Variants in MAP7 observed in about 807,000 individuals in gnomAD.
MAP7 encodes microtubule associated protein 7.
Under a neutral mutation model 94.8 loss-of-function variants are expected in MAP7, and 52 were observed. The ratio of observed to expected loss-of-function variants is 0.55; its 90% CI spans 0.44 to 0.69. The LOEUF (loss-of-function observed/expected upper bound fraction) is 0.69. Ranked by LOEUF, MAP7 falls within the 30% of genes least tolerant of loss-of-function variation. MAP7 has a pLI of 0.00. For missense variants in MAP7, 940 were observed against 964.6 expected (o/e 0.97, Z 0.34); for synonymous variants, 350 against 357.0 (o/e 0.98, Z 0.22).
chr6:136,486,787 T>C (rs1038813892), intron 1 of MAP7, among the ~76,000 whole-genome samples: 1 of 152,118 alleles, frequency 6.6e-6, no homozygotes, highest in Non-Finnish European at 1.5e-5. Context: ...TATCCCAAAA[T>C]CAACTCTCTG....
At chr6:136,395,638 A>G (rs1056443915) in intron 3 of MAP7, among the ~76,000 whole-genome samples, 2 of 152,094 alleles carry the variant, frequency 1.3e-5, no homozygotes, top group East Asian at 3.9e-4. Context: ...GTTCAGACCA[A>G]TGTCCTGAAG....
intron 7 of MAP7, among the ~76,000 whole-genome samples, chr6:136,376,464 A>T (rs1158310038): frequency 7.2e-5 from 11 of 152,248 alleles, no homozygotes; most frequent in Admixed American, 7.2e-4. Context: ...AAAAGTGTGA[A>T]ATTCATAGGC....
chr6:136,541,134 G>A (rs987473541), intron 1 of MAP7, among the ~76,000 whole-genome samples: 1 of 152,184 alleles, frequency 6.6e-6, no homozygotes, highest in African/African-American at 2.4e-5. Flanking sequence ...CCAAAGGCTT[G>A]GGTCAGGAGC....
At chr6:136,465,064 T>C (rs1367815228) in intron 1 of MAP7, among the ~76,000 whole-genome samples, 1 of 152,200 alleles carries the variant, frequency 6.6e-6, no homozygotes, top group Non-Finnish European at 1.5e-5. Context: ...CTTTCATGAA[T>C]GAGCAGCAGG....
At chr6:136,345,127 C>T (rs1443043915) in intron 17 of MAP7, among the ~76,000 whole-genome samples, 1 of 152,194 alleles carries the variant, frequency 6.6e-6, no homozygotes, top group Non-Finnish European at 1.5e-5. Context: ...CGTTGCTGAG[C>T]TGCTATGACC....
chr6:136,402,441 G>C (rs1247936637), intron 3 of MAP7, among the ~76,000 whole-genome samples: 1 of 152,204 alleles, frequency 6.6e-6, no homozygotes, highest in Admixed American at 6.5e-5. Context: ...GATAAGAAGT[G>C]TGACCTTGGA....
intron 6 of MAP7, among the ~76,000 whole-genome samples, chr6:136,378,622 TG>T (rs1776905663): frequency 6.6e-6 from 1 of 152,188 alleles, no homozygotes. Context: ...AGATTGCTAG[TG>T]GATGCCTAAG....
chr6:136,472,453 CA>C (rs1809349422), intron 1 of MAP7, among the ~76,000 whole-genome samples: 1 of 152,160 alleles, frequency 6.6e-6, no homozygotes, highest in Non-Finnish European at 1.5e-5. Context: ...TCATAGGGAA[CA>C]AAAACACATT....
intron 8 of MAP7, among the ~76,000 whole-genome samples, chr6:136,368,339 C>A (rs550559640): frequency 6.6e-6 from 1 of 152,290 alleles, no homozygotes; most frequent in East Asian, 1.9e-4. Context: ...ATACAATCAT[C>A]TTTCCTATTA....
intron 1 of MAP7, among the ~76,000 whole-genome samples, chr6:136,471,227 T>C (rs17065506): frequency 0.015 from 2,310 of 152,324 alleles, 62 homozygotes; most frequent in African/African-American, 0.053. Context: ...AGTCTATTAT[T>C]TGATGCAAGC....
At chr6:136,455,932 A>G (rs77938658) in intron 1 of MAP7, among the ~76,000 whole-genome samples, 2,414 of 152,322 alleles carry the variant, frequency 0.016, 83 homozygotes, top group East Asian at 0.14. Context: ...TAACATATCA[A>G]TGGAGAAGAC....
At chr6:136,460,741 C>T (rs1031581316) in intron 1 of MAP7, among the ~76,000 whole-genome samples, 22 of 152,038 alleles carry the variant, frequency 1.4e-4, no homozygotes, top group African/African-American at 5.1e-4. Flanking sequence ...GTTGAGGTAG[C>T]TGTAGAGTTG....
chr6:136,530,390 G>T (rs560626014), intron 1 of MAP7, among the ~76,000 whole-genome samples: 1 of 152,112 alleles, frequency 6.6e-6, no homozygotes, highest in Non-Finnish European at 1.5e-5. Context: ...CAAAACTACC[G>T]GACTTCAGCA....
chr6:136,398,534 G>A (rs138987360), intron 3 of MAP7, among the ~76,000 whole-genome samples: 22 of 152,270 alleles, frequency 1.4e-4, no homozygotes, highest in African/African-American at 2.4e-4. Flanking sequence ...GAGGGACCCC[G>A]TGGGACATAA....
At chr6:136,481,125 G>C (rs555555247) in intron 1 of MAP7, among the ~76,000 whole-genome samples, 1 of 152,304 alleles carries the variant, frequency 6.6e-6, no homozygotes, top group South Asian at 2.1e-4. Context: ...AATAACAAAT[G>C]CTGGTGAGGA....
chr6:136,434,598 ATTT>A (rs3839511), intron 1 of MAP7, among the ~76,000 whole-genome samples: 1 of 145,566 alleles, frequency 6.9e-6, no homozygotes. Flanking sequence ...TAGGCAAGGA[ATTT>A]TTTTTTTTTT....
intron 16 of MAP7, among the ~76,000 whole-genome samples, chr6:136,350,407 T>A (rs1582632492): frequency 6.6e-6 from 1 of 151,812 alleles, no homozygotes; most frequent in African/African-American, 2.4e-5. Context: ...AAACTAGGAG[T>A]GAAAGGAAAT....
At chr6:136,405,875 T>C (rs1689436133) in intron 3 of MAP7, among the ~76,000 whole-genome samples, 1 of 152,196 alleles carries the variant, frequency 6.6e-6, no homozygotes, top group African/African-American at 2.4e-5. Flanking sequence ...GTGTGGGAAA[T>C]TTCAGCTAAG....
chr6:136,404,092 C>T (rs1455692268), intron 3 of MAP7, among the ~76,000 whole-genome samples: 1 of 152,132 alleles, frequency 6.6e-6, no homozygotes, highest in Non-Finnish European at 1.5e-5. Flanking sequence ...AGGAAAGTCT[C>T]TTGTTAAAAC....
Sources: gnomAD v4.1 joint callset for allele counts (sites outside exome capture counted in the v4.1 genomes callset) on GRCh38, gnomAD v4.1.1 for gene constraint, MANE v1.5 for transcripts, NCBI Gene and HGNC (gene_info 2026-07-23, HGNC 2026-07-21) for gene names.